The following FHAD1 variants were observed in gnomAD, a reference collection of about 807,000 sequenced individuals.
The protein encoded by FHAD1 is forkhead associated phosphopeptide binding domain 1.
FHAD1 carries 146 observed loss-of-function variants against 191.3 expected under a neutral mutation model. The observed-to-expected ratio is 0.76, with a 90% CI of 0.67 to 0.88. FHAD1 has a LOEUF of 0.88. FHAD1 is among the 40% of genes least tolerant of loss of function. FHAD1 has a pLI of 0.00. For synonymous variants in FHAD1, 616 were observed against 672.3 expected, an observed-to-expected ratio of 0.92 and a Z score of 1.29; for missense variants, 1,635 against 1,785.8, an observed-to-expected ratio of 0.92 and a Z score of 1.52.
chr1:15,329,903 T>C lies in FHAD1; in HGVS notation c.1906+362T>C. Reference sequence around the variant, plus strand: ...GTCTATGCCTCAGTTTCCCTATCTGTAAAATGAGGCTAATAGGGAGTACCC... The same window carrying C: ...GTCTATGCCTCAGTTTCCCTATCTGCAAAATGAGGCTAATAGGGAGTACCC... On this transcript the variant is annotated intron_variant, in intron 14 of 33. Coordinates refer to ENST00000688493, the MANE Select transcript of FHAD1 (RefSeq NM_001391957.1). This position sits in a 1 kb window ranked among gnomAD's most constrained non-coding sequence, Gnocchi z 5.0. 1 of 249,706 alleles carries C rather than the reference T, an allele frequency of 4.0e-6. No individual in the cohort carries two copies. The highest frequency in any genetic ancestry group is 8.0e-6 in the Non-Finnish European group (1 of 124,988). The allele number at this position is 249,706 out of a possible 1,614,324, so 15.5% of individuals were successfully genotyped here.
In FHAD1 at chr1:15,355,572, G is replaced by A. The variant is rs527261968; in HGVS notation, c.2563-2538G>A. Among the ~76,000 whole-genome samples the A allele has an allele frequency of 2.0e-5, 3 of 152,310 alleles. No homozygotes were observed. In the South Asian group the frequency reaches 6.2e-4, roughly 32 times the overall value. Reference sequence around the variant, plus strand: ...GCTGCATGGTCTACTCGTAAGCAGGGCAGCTTCACAGCTCTTCAAAGAAAC... The same window carrying A: ...GCTGCATGGTCTACTCGTAAGCAGGACAGCTTCACAGCTCTTCAAAGAAAC... On this transcript the variant is annotated intron_variant, in intron 20 of 33. Coordinates refer to ENST00000688493, the MANE Select transcript of FHAD1 (RefSeq NM_001391957.1).
intron 20 of FHAD1, among the ~76,000 whole-genome samples, chr1:15,353,710 A>G (rs963383427): frequency 6.8e-6 from 1 of 147,848 alleles, no homozygotes; most frequent in South Asian, 2.1e-4. Flanking sequence ...ATCTCAAAAA[A>G]AAAAAAAAAA....
chr1:15,315,098 T>C (rs980666601), intron 8 of FHAD1: 2 of 152,064 alleles, frequency 1.3e-5, no homozygotes, highest in Admixed American at 6.5e-5. Flanking sequence ...CGTGGGCTCC[T>C]CGTGACCAAG....
At chr1:15,242,937 C>T (rs1194907095), upstream of FHAD1, among the ~76,000 whole-genome samples, 1 of 152,182 alleles carries the variant, frequency 6.6e-6, no homozygotes, top group Non-Finnish European at 1.5e-5. Context: ...GTTGTATACC[C>T]ATTTTACAGG....
chr1:15,293,571 A>G (rs1316328766), intron 4 of FHAD1, among the ~76,000 whole-genome samples: 1 of 152,160 alleles, frequency 6.6e-6, no homozygotes, highest in African/African-American at 2.4e-5. Context: ...TACAAAAATT[A>G]GCTGGGTGTG....
intron 10 of FHAD1, among the ~76,000 whole-genome samples, chr1:15,322,190 T>G (rs1676548588): frequency 1.3e-5 from 2 of 152,136 alleles, no homozygotes; most frequent in Non-Finnish European, 2.9e-5. Flanking sequence ...AGTTTTGGAG[T>G]GTGGGCTGTG....
Position 15,391,116 on chromosome 1 carries a change from G to A in FHAD1, c.4270-94G>A, listed in dbSNP as rs1703926995. The A allele has an allele frequency of 1.8e-5, 10 of 541,066 alleles. No homozygotes were observed. In the South Asian group the frequency reaches 2.0e-4, roughly 11 times the overall value. The allele number at this position is 541,066 out of a possible 1,614,324, so 33.5% of individuals were successfully genotyped here. A position where few individuals can be genotyped will look rare whatever the true frequency, so the allele number is the denominator to read the frequency against. ...GAAGGCCCAGCGTTCCAAATGGTTA[G>A]CATCTAAAAGTGGAGAAAAATCCAT... On this transcript the variant is annotated intron_variant, in intron 32 of 33. Transcript: ENST00000688493.
chr1:15,394,933 T>A (rs1290459854), intron 33 of FHAD1, among the ~76,000 whole-genome samples: 1 of 151,996 alleles, frequency 6.6e-6, no homozygotes, highest in Non-Finnish European at 1.5e-5. Flanking sequence ...GCGAGAGAGA[T>A]CTTGGGTTGC....
At chr1:15,388,602 G>A (rs1305694030) in intron 32 of FHAD1, among the ~76,000 whole-genome samples, 1 of 151,646 alleles carries the variant, frequency 6.6e-6, no homozygotes, top group African/African-American at 2.4e-5. Context: ...AGGTGGGAGT[G>A]GCTACAAAAC....
chr1:15,352,803 C>T (rs1179618515), intron 19 of FHAD1, 74 bp from the exon 20 acceptor site: 16 of 1,121,882 alleles, frequency 1.4e-5, no homozygotes, highest in Non-Finnish European at 1.8e-5. Context: ...CACGGTGACT[C>T]GTCCTGGTTT....
intron 33 of FHAD1, among the ~76,000 whole-genome samples, chr1:15,391,921 C>T (rs1704158426): frequency 6.6e-6 from 1 of 152,210 alleles, no homozygotes; most frequent in African/African-American, 2.4e-5. Context: ...CTGTTGCTTA[C>T]TCATCCACAC....
chr1:15,286,035 C>G (rs10927766), intron 3 of FHAD1, among the ~76,000 whole-genome samples: 48,574 of 151,998 alleles, frequency 0.32, 8,379 homozygotes, highest in East Asian at 0.62. Flanking sequence ...TGGTTACCAG[C>G]GGCTCTGAGG....
intron 23 of FHAD1, 85 bp from the exon 24 acceptor site, chr1:15,365,742 G>T: frequency 6.9e-6 from 5 of 727,858 alleles, no homozygotes; most frequent in Non-Finnish European, 9.5e-6. Context: ...GAATCTCTTT[G>T]CATTTGTACT....
chr1:15,339,710 C>G (rs563349773), intron 15 of FHAD1, among the ~76,000 whole-genome samples, 159 bp downstream of exon 15: 2 of 152,312 alleles, frequency 1.3e-5, no homozygotes, highest in South Asian at 4.1e-4. Context: ...CAAAGAGGTA[C>G]AGAAAAGGTT....
At chr1:15,301,537 C>A in intron 6 of FHAD1, 96 bp downstream of exon 6, 1 of 1,022,712 alleles carries the variant, frequency 9.8e-7, no homozygotes. Context: ...AGTTAGGGAA[C>A]GCGTGGTCAG....
In FHAD1 at chr1:15,328,628, C is replaced by A. The variant is rs1247603019; in HGVS notation, c.1710+199C>A. ...AAAAATGCCTCCCGGGAGAACTTGG[C>A]GTGTCCAAAAAAGATGCCTGAGCAT... On this transcript the variant is annotated intron_variant, in intron 13 of 33. Transcript: ENST00000688493. 2.7e-5 allele frequency: 12 copies of A among 441,650 alleles called. No individual in the cohort carries two copies. The Admixed American group carries it at 3.0e-4, about 11-fold the overall frequency. 27.4% of individuals were successfully genotyped at this position (441,650 alleles called of 1,614,324 possible).
At chr1:15,382,542 C>T (rs1400435991) in intron 31 of FHAD1, among the ~76,000 whole-genome samples, 2 of 152,114 alleles carry the variant, frequency 1.3e-5, no homozygotes, top group African/African-American at 2.4e-5. Context: ...GTGCCTGGCA[C>T]GCGGTAGACA....
At chr1:15,244,248 T>C (rs1645732110), upstream of FHAD1, among the ~76,000 whole-genome samples, 1 of 152,208 alleles carries the variant, frequency 6.6e-6, no homozygotes, top group African/African-American at 2.4e-5. This position sits in a 1 kb window ranked among gnomAD's most constrained non-coding sequence, Gnocchi z 5.1. Flanking sequence ...AACAGTGGCA[T>C]CCTGAGGGAC....
rs138658574 is a variant in FHAD1 at position 15,321,327 on chromosome 1, G to A, written c.1366-3125G>A. ...TTTAGTAATCATAAGACAATAGCAC[G>A]CATTCGTGACTTATCAAAATCTAAT... On this transcript the variant is annotated intron_variant, in intron 10 of 33. Coordinates refer to ENST00000688493, the MANE Select transcript of FHAD1 (RefSeq NM_001391957.1). Among the ~76,000 whole-genome samples, 55 of 152,168 alleles carry A rather than the reference G, an allele frequency of 3.6e-4. 1 individual carries two copies. In the East Asian group the frequency reaches 9.8e-3, roughly 27 times the overall value.
Sources: allele counts gnomAD v4.1 joint callset (sites outside exome capture counted in the v4.1 genomes callset), GRCh38; gene constraint gnomAD v4.1.1; non-coding constraint Gnocchi (gnomAD v3.1); transcripts MANE v1.5; gene names NCBI Gene and HGNC (gene_info 2026-07-23, HGNC 2026-07-21).